EFNA5: variants seen among roughly 807,000 people sequenced by gnomAD.
EFNA5 encodes the protein ephrin A5.
A neutral mutation model predicts 22.9 loss-of-function variants in EFNA5; 5 were observed. The observed-to-expected ratio is 0.22, with a 90% CI of 0.11 to 0.46. EFNA5 has a LOEUF of 0.46. Ranked by LOEUF, EFNA5 falls within the 20% of genes least tolerant of loss-of-function variation. EFNA5 has a pLI of 0.99. For missense variants in EFNA5, 237 were observed against 293.3 expected, an observed-to-expected ratio of 0.81 and a Z score of 1.40; for synonymous variants, 113 against 112.2, an observed-to-expected ratio of 1.01 and a Z score of -0.04.
intron 1 of EFNA5, among the ~76,000 whole-genome samples, chr5:107,463,740 A>G (rs1354037381): frequency 2.0e-5 from 3 of 152,218 alleles, no homozygotes; most frequent in African/African-American, 7.2e-5. Context: ...TCACTTTAAA[A>G]TTCATTAAGA....
chr5:107,466,256 C>T (rs117672165), intron 1 of EFNA5, among the ~76,000 whole-genome samples: 24 of 152,216 alleles, frequency 1.6e-4, no homozygotes, highest in East Asian at 7.7e-4. Flanking sequence ...GCTCATAAGT[C>T]GTGTTAAGCC....
intron 1 of EFNA5, among the ~76,000 whole-genome samples, chr5:107,560,119 A>C (rs1748504265): frequency 6.6e-6 from 1 of 152,226 alleles, no homozygotes; most frequent in Non-Finnish European, 1.5e-5. Context: ...CTGAAGATTC[A>C]AGCTTCTTAT....
intron 1 of EFNA5, among the ~76,000 whole-genome samples, chr5:107,618,243 C>T (rs1193952314): frequency 6.6e-6 from 1 of 152,110 alleles, no homozygotes; most frequent in Non-Finnish European, 1.5e-5. Flanking sequence ...GCTTTCAGTG[C>T]TAATTTGATA....
At chr5:107,596,426 G>A (rs372020574) in intron 1 of EFNA5, among the ~76,000 whole-genome samples, 58 of 152,206 alleles carry the variant, frequency 3.8e-4, no homozygotes, top group African/African-American at 1.3e-3. Context: ...CATTTGAGGT[G>A]TAGCATATGA....
rs575068040 is a variant in EFNA5 at position 107,485,182 on chromosome 5, C to T, written c.126-57673G>A. On this transcript the variant is annotated intron_variant, in intron 1 of 4. Transcript: ENST00000333274. ...CTATTCAAATCCCTTTTCTGCATCT[C>T]AACTTTTGTCTGCACTAGATGGTCC... Among the ~76,000 whole-genome samples, 5 of 152,240 alleles carry T rather than the reference C, an allele frequency of 3.3e-5. No individual in the cohort carries two copies. The East Asian group carries it at 9.6e-4, about 29-fold the overall frequency.
chr5:107,630,168 T>C (rs1053157577), intron 1 of EFNA5, among the ~76,000 whole-genome samples: 1 of 152,162 alleles, frequency 6.6e-6, no homozygotes, highest in East Asian at 1.9e-4. Flanking sequence ...ATTCTTCCAA[T>C]GTGGCCAGGG....
chr5:107,495,793 G>T (rs1746961366), intron 1 of EFNA5, among the ~76,000 whole-genome samples: 1 of 152,072 alleles, frequency 6.6e-6, no homozygotes, highest in Non-Finnish European at 1.5e-5. Context: ...AGTATCCATG[G>T]CCTATTATAT....
chr5:107,670,368 G>C, intron 1 of EFNA5, 121 bp downstream of exon 1: 1 of 1,292,736 alleles, frequency 7.7e-7, no homozygotes, highest in Non-Finnish European at 1.0e-6. Flanking sequence ...CAGCGCCCGG[G>C]CGACGCAGGC....
chr5:107,476,396 G>C (rs1164947296), intron 1 of EFNA5, among the ~76,000 whole-genome samples: 17 of 151,970 alleles, frequency 1.1e-4, no homozygotes, highest in Admixed American at 1.0e-3. Flanking sequence ...ATTATACTTA[G>C]AATGGAACTA....
rs556683476 is a variant in EFNA5, at chr5:107,505,562, A to C, written c.126-78053T>G. Among the ~76,000 whole-genome samples, 5 of 151,954 alleles carry C rather than the reference A, an allele frequency of 3.3e-5. No homozygotes were observed. In the East Asian group the frequency reaches 9.6e-4, roughly 29 times the overall value. The stretch of plus-strand genomic sequence containing the variant: ...ACATATCACTGATACACACACATAC[A>C]CCCCTCCTATATCCTCAAAAAAGTA... On this transcript the variant is annotated intron_variant, in intron 1 of 4. Coordinates refer to ENST00000333274, the MANE Select transcript of EFNA5 (RefSeq NM_001962.3).
intron 1 of EFNA5, among the ~76,000 whole-genome samples, chr5:107,451,494 G>T (rs1487634757): frequency 2.0e-5 from 3 of 152,168 alleles, no homozygotes; most frequent in Non-Finnish European, 4.4e-5. Context: ...AAATATACTT[G>T]GAGATATCAA....
chr5:107,460,889 A>G (rs1749820961), intron 1 of EFNA5, among the ~76,000 whole-genome samples: 1 of 152,186 alleles, frequency 6.6e-6, no homozygotes, highest in Non-Finnish European at 1.5e-5. Context: ...CCTCCCCTTT[A>G]GAAGAATATC....
chr5:107,472,584 A>C (rs1750168461), intron 1 of EFNA5, among the ~76,000 whole-genome samples: 1 of 152,186 alleles, frequency 6.6e-6, no homozygotes, highest in Non-Finnish European at 1.5e-5. Flanking sequence ...TCATTAATAA[A>C]CTTTGCCCAA....
intron 1 of EFNA5, among the ~76,000 whole-genome samples, chr5:107,605,835 G>A (rs1003829683): frequency 6.6e-6 from 1 of 152,066 alleles, no homozygotes; most frequent in Non-Finnish European, 1.5e-5. Context: ...TTCCCTCCTT[G>A]TAAAGCCCAT....
In EFNA5 at chr5:107,483,403, A is replaced by T. The variant is rs551630957; in HGVS notation, c.126-55894T>A. Among the ~76,000 whole-genome samples the T allele has an allele frequency of 5.9e-5, 9 of 152,192 alleles. No homozygotes were observed. The East Asian group carries it at 1.7e-3, about 29-fold the overall frequency. On this transcript the variant is annotated intron_variant, in intron 1 of 4. Coordinates refer to ENST00000333274, the MANE Select transcript of EFNA5 (RefSeq NM_001962.3). ...CCCTGAACTCTGCACATCTTCCCGA[A>T]TCCTAGCTATAAGTCACACTCCAGC...
At position 107,627,859 on chromosome 5, in the gene EFNA5, G is replaced by T. The variant is rs190539571; in HGVS notation, c.125+42630C>A. On this transcript the variant is annotated intron_variant, in intron 1 of 4. Transcript: ENST00000333274. Reference sequence around the variant, plus strand: ...AGACTAAGTCCTATTCATTAGCATTGCTCACTGTCAATTATGAAATACATT... The same window carrying T: ...AGACTAAGTCCTATTCATTAGCATTTCTCACTGTCAATTATGAAATACATT... 8.2e-3 allele frequency among the ~76,000 whole-genome samples: 1,253 copies of T among 152,136 alleles called. 14 individuals are homozygous for T. Among genetic ancestry groups the T allele is most frequent in the African/African-American group, 0.028 (1,161 of 41,522 alleles).
chr5:107,398,325 G>A (rs252813), intron 2 of EFNA5, among the ~76,000 whole-genome samples: 79,119 of 151,800 alleles, frequency 0.52, 22,063 homozygotes, highest in Non-Finnish European at 0.64. Context: ...CCTCTTCCAG[G>A]TTCCCACAGA....
intron 2 of EFNA5, among the ~76,000 whole-genome samples, chr5:107,410,144 C>G (rs1317419311): frequency 6.6e-6 from 1 of 151,594 alleles, no homozygotes; most frequent in Non-Finnish European, 1.5e-5. Context: ...TCTCCTGCCT[C>G]AGCCTCCCAA....
At chr5:107,462,608 A>G (rs953636778) in intron 1 of EFNA5, among the ~76,000 whole-genome samples, 3 of 152,118 alleles carry the variant, frequency 2.0e-5, no homozygotes, top group African/African-American at 7.2e-5. Context: ...CACTAACCCT[A>G]CCAATCTCCC....
Sources: allele counts gnomAD v4.1 joint callset (sites outside exome capture counted in the v4.1 genomes callset), GRCh38; gene constraint gnomAD v4.1.1; transcripts MANE v1.5; gene names NCBI Gene and HGNC (gene_info 2026-07-23, HGNC 2026-07-21).